The following CNTN5 variants were observed in gnomAD, a reference collection of about 807,000 sequenced individuals.
The protein encoded by CNTN5 is contactin-5.
A neutral mutation model predicts 129.1 loss-of-function variants in CNTN5; 77 were observed. The observed-to-expected ratio is 0.60, with a 90% confidence interval of 0.50 to 0.72. CNTN5 has a LOEUF of 0.72. Among genes scored for constraint, CNTN5 ranks in the 30% least tolerant of loss-of-function variants. The probability of loss-of-function intolerance (pLI) is 0.00; values close to 1 mark genes in which losing one functional copy is unlikely to be tolerated. For missense variants in CNTN5, 1,478 were observed against 1,328.8 expected (o/e 1.11, Z -1.75); for synonymous variants, 509 against 465.6 (o/e 1.09, Z -1.20).
intron 3 of CNTN5, among the ~76,000 whole-genome samples, chr11:99,785,427 T>C (rs1045713423): frequency 6.6e-6 from 1 of 152,120 alleles, no homozygotes; most frequent in Non-Finnish European, 1.5e-5. Flanking sequence ...TGACAATTTT[T>C]CCTTTTGTTA....
Position 99,126,168 on chromosome 11 carries a change from G to T in CNTN5, c.-210+104898G>T, listed in dbSNP as rs574222220. Among the ~76,000 whole-genome samples, 61 of 152,242 alleles carry T rather than the reference G, an allele frequency of 4.0e-4. 1 individual carries two copies. Among genetic ancestry groups the T allele is most frequent in the African/African-American group, 1.4e-3 (59 of 41,558 alleles). The stretch of plus-strand genomic sequence containing the variant: ...TTAGGCAATTTTATTAACAGATTCA[G>T]TAAAAAATGTCCACCGCAGCTCAAT... On this transcript the variant is annotated intron_variant, in intron 1 of 24. Transcript: ENST00000524871.
At chr11:99,232,852 A>T (rs1861072915) in intron 1 of CNTN5, among the ~76,000 whole-genome samples, 1 of 152,172 alleles carries the variant, frequency 6.6e-6, no homozygotes, top group African/African-American at 2.4e-5. Flanking sequence ...ATGATTTCCC[A>T]ATTGAATTCA....
At chr11:99,412,459 A>G (rs1262618393) in intron 2 of CNTN5, among the ~76,000 whole-genome samples, 3 of 152,330 alleles carry the variant, frequency 2.0e-5, no homozygotes, top group South Asian at 2.1e-4. Context: ...AATGAATACT[A>G]TTTATCACTG....
chr11:99,871,628 TA>T lies in CNTN5; in HGVS notation c.577+26369del, dbSNP rs1948505531. Among the ~76,000 whole-genome samples the T allele has an allele frequency of 4.0e-5, 6 of 151,892 alleles. No homozygotes were observed. In the South Asian group the frequency reaches 1.2e-3, roughly 32 times the overall value. ...TGGCTTAGAAAACAACAAAAGGACATAAAGTTGAAGGGAGGAAAAATATGAT... is the reference window on the plus strand; with the variant it reads ...TGGCTTAGAAAACAACAAAAGGACATAAGTTGAAGGGAGGAAAAATATGAT... On this transcript the variant is annotated intron_variant, in intron 6 of 24. Coordinates refer to ENST00000524871, the MANE Select transcript of CNTN5 (RefSeq NM_014361.4).
chr11:99,685,676 A>G (rs1381222928), intron 3 of CNTN5, among the ~76,000 whole-genome samples: 1 of 151,990 alleles, frequency 6.6e-6, no homozygotes, highest in East Asian at 1.9e-4. Context: ...GTCAGTGTTC[A>G]CATGGTGAAT....
intron 2 of CNTN5, among the ~76,000 whole-genome samples, chr11:99,351,466 C>T (rs1348953383): frequency 6.6e-6 from 1 of 152,188 alleles, no homozygotes; most frequent in Non-Finnish European, 1.5e-5. Context: ...ACAAATTCCT[C>T]CTTCTATGCT....
intron 8 of CNTN5, among the ~76,000 whole-genome samples, chr11:99,972,343 G>GA (rs11378392): frequency 0.38 from 57,056 of 151,862 alleles, 11,216 homozygotes; most frequent in African/African-American, 0.45. Flanking sequence ...AGTTTCTGGG[G>GA]CAGTCCTAGA....
At chr11:99,874,118 G>A (rs1041575987) in intron 6 of CNTN5, among the ~76,000 whole-genome samples, 1 of 152,044 alleles carries the variant, frequency 6.6e-6, no homozygotes, top group Non-Finnish European at 1.5e-5. Flanking sequence ...ATGTTCACTG[G>A]GTAATGGATA....
At chr11:99,240,606 A>AG (rs1472543880) in intron 1 of CNTN5, among the ~76,000 whole-genome samples, 1 of 151,846 alleles carries the variant, frequency 6.6e-6, no homozygotes, top group East Asian at 1.9e-4. Flanking sequence ...ATTATGAAAA[A>AG]AATTTCTGGG....
chr11:100,046,095 C>T (rs191309334), intron 9 of CNTN5, among the ~76,000 whole-genome samples: 4 of 131,750 alleles, frequency 3.0e-5, no homozygotes, highest in Admixed American at 3.0e-4. Flanking sequence ...AATGAGAACA[C>T]ATGGACACAG....
chr11:99,885,502 A>G (rs1285545670), intron 6 of CNTN5, among the ~76,000 whole-genome samples: 2 of 152,162 alleles, frequency 1.3e-5, no homozygotes, highest in Non-Finnish European at 2.9e-5. Context: ...TATTTACAAA[A>G]TTGTAAATAA....
intron 2 of CNTN5, among the ~76,000 whole-genome samples, chr11:99,464,951 C>T (rs959932058): frequency 6.6e-6 from 1 of 151,952 alleles, no homozygotes; most frequent in Non-Finnish European, 1.5e-5. Context: ...GAGCATTTTG[C>T]TTTATTTTTT....
At chr11:99,490,219 G>A (rs1233641084) in intron 2 of CNTN5, among the ~76,000 whole-genome samples, 4 of 152,096 alleles carry the variant, frequency 2.6e-5, no homozygotes, top group African/African-American at 9.7e-5. Context: ...TGCTAAATTT[G>A]ACAATTATTC....
intron 2 of CNTN5, among the ~76,000 whole-genome samples, chr11:99,517,674 T>G (rs1302349269): frequency 6.6e-6 from 1 of 152,120 alleles, no homozygotes; most frequent in Non-Finnish European, 1.5e-5. Flanking sequence ...CAGATTGTCT[T>G]CTGTAAGCTA....
chr11:99,249,701 A>AAT (rs1289649667), intron 1 of CNTN5, among the ~76,000 whole-genome samples: 3 of 151,974 alleles, frequency 2.0e-5, no homozygotes, highest in Non-Finnish European at 4.4e-5. Flanking sequence ...AAACTTATCT[A>AAT]ATATATATAA....
At chr11:99,337,339 T>A (rs936500494) in intron 2 of CNTN5, among the ~76,000 whole-genome samples, 1 of 152,100 alleles carries the variant, frequency 6.6e-6, no homozygotes, top group Non-Finnish European at 1.5e-5. Context: ...AAATCAGGGA[T>A]CTCACAGCCT....
chr11:99,756,035 G>C (rs1944394167), intron 3 of CNTN5, among the ~76,000 whole-genome samples: 1 of 151,970 alleles, frequency 6.6e-6, no homozygotes, highest in African/African-American at 2.4e-5. Flanking sequence ...TAACTGGAAG[G>C]TAGAAAAGTT....
intron 3 of CNTN5, among the ~76,000 whole-genome samples, chr11:99,578,631 T>G (rs1032504716): frequency 2.4e-4 from 36 of 149,820 alleles, no homozygotes; most frequent in African/African-American, 8.9e-4. Flanking sequence ...TGTCTTCTTT[T>G]GAGAAGTGTC....
intron 9 of CNTN5, among the ~76,000 whole-genome samples, chr11:100,035,223 G>C (rs773325350): frequency 9.9e-5 from 15 of 151,198 alleles, no homozygotes; most frequent in Non-Finnish European, 1.8e-4. Context: ...ATGTGTGTTT[G>C]GGTTTTTGTC....
Sources: gnomAD v4.1 joint callset for allele counts (sites outside exome capture counted in the v4.1 genomes callset) on GRCh38, gnomAD v4.1.1 for gene constraint, MANE v1.5 for transcripts, NCBI Gene and HGNC (gene_info 2026-07-23, HGNC 2026-07-21) for gene names.